HHAT: variants seen among roughly 807,000 people sequenced by gnomAD.
HHAT encodes the protein protein-cysteine N-palmitoyltransferase HHAT.
In HHAT, 47 loss-of-function variants were observed where a neutral mutation model predicts 70.8. That is an observed-to-expected ratio of 0.66 (90% CI 0.53 to 0.85). The LOEUF is 0.85. Among genes scored for constraint, HHAT ranks in the 40% least tolerant of loss-of-function variants. The pLI is 0.00. For missense variants in HHAT, 609 were observed against 604.8 expected (o/e 1.01, Z -0.07); for synonymous variants, 228 against 247.6 (o/e 0.92, Z 0.74).
intron 9 of HHAT, among the ~76,000 whole-genome samples, chr1:210,542,850 G>A (rs949967614): frequency 5.3e-5 from 8 of 152,024 alleles, no homozygotes; most frequent in Admixed American, 4.6e-4. Context: ...AAGTATACGT[G>A]TTGTATATAT....
chr1:210,456,914 C>T (rs1476277711), intron 7 of HHAT, among the ~76,000 whole-genome samples: 1 of 152,200 alleles, frequency 6.6e-6, no homozygotes, highest in Non-Finnish European at 1.5e-5. Context: ...TCCTTCTGGG[C>T]TGTAGCACTT....
At chr1:210,625,832 AAG>A (rs1474845493) in intron 11 of HHAT, among the ~76,000 whole-genome samples, 1 of 152,092 alleles carries the variant, frequency 6.6e-6, no homozygotes, top group Admixed American at 6.5e-5. Context: ...CATGGAGGGG[AAG>A]AGAACATGAG....
intron 6 of HHAT, among the ~76,000 whole-genome samples, chr1:210,409,529 G>A (rs1023358585): frequency 6.6e-6 from 1 of 152,092 alleles, no homozygotes; most frequent in Non-Finnish European, 1.5e-5. Flanking sequence ...GTTAGGAGTA[G>A]GGGTATGGTC....
chr1:210,639,537 G>C (rs1039913640), intron 11 of HHAT, among the ~76,000 whole-genome samples: 3 of 152,192 alleles, frequency 2.0e-5, no homozygotes, highest in Admixed American at 6.5e-5. Context: ...GAACATCCAG[G>C]TTGCATCTCA....
At chr1:210,478,606 A>G (rs949465372) in intron 8 of HHAT, among the ~76,000 whole-genome samples, 2 of 152,054 alleles carry the variant, frequency 1.3e-5, no homozygotes, top group Non-Finnish European at 2.9e-5. Flanking sequence ...TGAGGTGGAG[A>G]GTGATTCTCT....
intron 9 of HHAT, among the ~76,000 whole-genome samples, chr1:210,572,041 G>C (rs1031196352): frequency 2.6e-5 from 4 of 152,188 alleles, no homozygotes; most frequent in Non-Finnish European, 5.9e-5. Flanking sequence ...TCCTGAGCGT[G>C]GGATGATGGT....
intron 3 of HHAT, chr1:210,374,048 C>G (rs560150178): frequency 1.3e-5 from 2 of 151,998 alleles, no homozygotes; most frequent in East Asian, 1.9e-4. Context: ...ACTGTCTTTG[C>G]AAGTTCTGTT....
intron 8 of HHAT, among the ~76,000 whole-genome samples, chr1:210,498,256 C>T (rs886586778): frequency 1.3e-5 from 2 of 152,166 alleles, no homozygotes; most frequent in Non-Finnish European, 2.9e-5. Context: ...TACTACTTTT[C>T]TTAGTGTTTC....
intron 3 of HHAT, among the ~76,000 whole-genome samples, chr1:210,379,372 C>T (rs2090462475): frequency 6.6e-6 from 1 of 152,222 alleles, no homozygotes; most frequent in Non-Finnish European, 1.5e-5. Flanking sequence ...AGTTTTCAAC[C>T]TTCTAACCTG....
At chr1:210,516,458 C>T (rs2095058876) in intron 9 of HHAT, among the ~76,000 whole-genome samples, 1 of 152,120 alleles carries the variant, frequency 6.6e-6, no homozygotes, top group African/African-American at 2.4e-5. Context: ...TGAGTGGTCC[C>T]TTAGTAACCT....
chr1:210,592,999 A>C (rs1366159726), intron 10 of HHAT, among the ~76,000 whole-genome samples: 1 of 151,770 alleles, frequency 6.6e-6, no homozygotes, highest in Non-Finnish European at 1.5e-5. Flanking sequence ...CATTTACATT[A>C]GGTATATCTC....
chr1:210,496,501 G>A lies in HHAT; in HGVS notation c.1008-16652G>A, dbSNP rs74156186. On this transcript the variant is annotated intron_variant, in intron 8 of 11. Transcript: ENST00000261458. Reference sequence around the variant, plus strand: ...TTACTGCATGAGAGGGACTTTACAAGAGTATAAAGGTTGGGAGGTGGGGAT... The same window carrying A: ...TTACTGCATGAGAGGGACTTTACAAAAGTATAAAGGTTGGGAGGTGGGGAT... Among the ~76,000 whole-genome samples, 910 of 152,320 alleles carry A rather than the reference G, an allele frequency of 6.0e-3. 4 individuals carry two copies. Among genetic ancestry groups the A allele is most frequent in the African/African-American group, 0.021 (859 of 41,574 alleles).
chr1:210,471,040 C>T (rs1314594514), intron 8 of HHAT, among the ~76,000 whole-genome samples: 1 of 152,166 alleles, frequency 6.6e-6, no homozygotes, highest in East Asian at 1.9e-4. Flanking sequence ...GTAGCACCCT[C>T]CTCAGTGCCC....
intron 3 of HHAT, among the ~76,000 whole-genome samples, chr1:210,371,652 A>G (rs1046445733): frequency 6.6e-6 from 1 of 152,178 alleles, no homozygotes; most frequent in Non-Finnish European, 1.5e-5. Flanking sequence ...TGCTCCCATC[A>G]GATGGAGGGA....
At chr1:210,481,136 A>T (rs998450976) in intron 8 of HHAT, among the ~76,000 whole-genome samples, 3 of 151,078 alleles carry the variant, frequency 2.0e-5, no homozygotes, top group African/African-American at 7.3e-5. Flanking sequence ...GAGGAGGGGG[A>T]CTTGGAGTTC....
At chr1:210,383,060 C>T (rs1449862999) in intron 3 of HHAT, among the ~76,000 whole-genome samples, 1 of 152,196 alleles carries the variant, frequency 6.6e-6, no homozygotes, top group Non-Finnish European at 1.5e-5. Flanking sequence ...GAGCTTCAGG[C>T]CGGGCACGGT....
chr1:210,654,143 A>T (rs1574027086), intron 11 of HHAT, among the ~76,000 whole-genome samples: 1 of 150,214 alleles, frequency 6.7e-6, no homozygotes, highest in East Asian at 1.9e-4. Flanking sequence ...TGTGATGGGA[A>T]TAGTGTGACA....
intron 11 of HHAT, among the ~76,000 whole-genome samples, chr1:210,663,661 C>T (rs936854053): frequency 6.6e-6 from 1 of 152,200 alleles, no homozygotes; most frequent in Non-Finnish European, 1.5e-5. Context: ...GAATGCCCTT[C>T]CCCCTGCAGA....
intron 2 of HHAT, among the ~76,000 whole-genome samples, chr1:210,362,182 T>C (rs1208893150): frequency 6.6e-6 from 1 of 152,228 alleles, no homozygotes; most frequent in African/African-American, 2.4e-5. Flanking sequence ...GTTAGCATTA[T>C]ATCATAGCGG....
Sources: gnomAD v4.1 joint callset for allele counts (sites outside exome capture counted in the v4.1 genomes callset) on GRCh38, gnomAD v4.1.1 for gene constraint, MANE v1.5 for transcripts, NCBI Gene and HGNC (gene_info 2026-07-23, HGNC 2026-07-21) for gene names.